AFF3: variants seen among roughly 807,000 people sequenced by gnomAD.
AFF3 encodes the protein AF4/FMR2 family member 3.
Under a neutral mutation model 129.7 loss-of-function variants are expected in AFF3, and 32 were observed. The observed-to-expected ratio is 0.25, with a 90% confidence interval of 0.19 to 0.33. AFF3 has a LOEUF of 0.33. AFF3 is among the 10% of genes least tolerant of loss of function. The probability of loss-of-function intolerance (pLI) is 1.00; values close to 1 mark genes in which losing one functional copy is unlikely to be tolerated. For synonymous variants in AFF3, 644 were observed against 635.4 expected (o/e 1.01, Z -0.20); for missense variants, 1,373 against 1,592.0 (o/e 0.86, Z 2.34).
chr2:99,568,042 G>A (rs914808093), intron 19 of AFF3, among the ~76,000 whole-genome samples: 4 of 152,140 alleles, frequency 2.6e-5, no homozygotes, highest in African/African-American at 9.7e-5. Flanking sequence ...TGGTCTTCAC[G>A]TAAATAAGTG....
At chr2:100,085,836 C>T (rs1666850559) in intron 4 of AFF3, among the ~76,000 whole-genome samples, 1 of 151,932 alleles carries the variant, frequency 6.6e-6, no homozygotes, top group South Asian at 2.1e-4. Flanking sequence ...GGCCACATTA[C>T]TTTTTCACTG....
At chr2:99,576,284 G>A (rs1043578550) in intron 18 of AFF3, among the ~76,000 whole-genome samples, 2 of 150,486 alleles carry the variant, frequency 1.3e-5, no homozygotes, top group Non-Finnish European at 2.9e-5. Flanking sequence ...ACCTGCCCCA[G>A]TCTCCCAAAG....
At chr2:99,729,917 A>T (rs1679676044) in intron 10 of AFF3, among the ~76,000 whole-genome samples, 1 of 152,136 alleles carries the variant, frequency 6.6e-6, no homozygotes, top group Non-Finnish European at 1.5e-5. Context: ...AGCTGGGTGC[A>T]GGGAAGCCAT....
rs570012798 is a variant in AFF3, at chr2:99,724,563, G to A, written c.1091+2514C>T. On this transcript the variant is annotated intron_variant, in intron 11 of 24. Transcript: ENST00000672756. ...GCTGGGATTACAAGTGTGAGACACC[G>A]CACCTGGCCTGGAGTGACCTTTCTG... is the stretch of plus-strand genomic sequence containing the variant. 6.6e-5 allele frequency among the ~76,000 whole-genome samples: 10 copies of A among 152,092 alleles called. No individual in the cohort carries two copies. In the South Asian group the frequency reaches 1.2e-3, roughly 19 times the overall value.
At chr2:99,586,594 G>A (rs1295670558) in intron 16 of AFF3, among the ~76,000 whole-genome samples, 2 of 152,102 alleles carry the variant, frequency 1.3e-5, no homozygotes, top group Non-Finnish European at 2.9e-5. Flanking sequence ...ATAAATACCT[G>A]GGATCTTGCT....
At chr2:99,654,700 T>C (rs1685588798) in intron 12 of AFF3, among the ~76,000 whole-genome samples, 1 of 152,238 alleles carries the variant, frequency 6.6e-6, no homozygotes, top group Non-Finnish European at 1.5e-5. Context: ...TGATCCTTCC[T>C]GAGTTCATTA....
At chr2:99,849,240 G>A (rs1689961761) in intron 7 of AFF3, among the ~76,000 whole-genome samples, 1 of 152,096 alleles carries the variant, frequency 6.6e-6, no homozygotes, top group Admixed American at 6.5e-5. Context: ...TTACATGGCA[G>A]CCCCAGGGAA....
intron 4 of AFF3, among the ~76,000 whole-genome samples, chr2:100,060,629 A>G (rs1329351398): frequency 6.6e-6 from 1 of 152,176 alleles, no homozygotes; most frequent in Non-Finnish European, 1.5e-5. Context: ...AGAATTTTAA[A>G]TAGTTTTACA....
rs369313200 is a variant in AFF3 at position 99,593,468 on chromosome 2, G to A, written c.2193C>T (p.Thr731=). ...CCTCCAGCTCCTTGGCGATGTCACTGGTGGTCCTGGCGTTGATGGAGCCTA... is the reference window on the plus strand; with the variant it reads ...CCTCCAGCTCCTTGGCGATGTCACTAGTGGTCCTGGCGTTGATGGAGCCTA... ...APVGSINART[T]SDIAKELEEQ... The change falls in exon 15 of 25, where the codon ACC becomes ACT. Residue 731 remains threonine (T), a synonymous_variant. Transcript: ENST00000672756. 6 of 1,613,982 alleles carry A rather than the reference G, an allele frequency of 3.7e-6. No individual in the cohort carries two copies. In the East Asian group the frequency reaches 6.7e-5, roughly 18 times the overall value.
intron 8 of AFF3, among the ~76,000 whole-genome samples, chr2:99,821,465 G>A (rs1024725295): frequency 1.6e-5 from 2 of 128,322 alleles, no homozygotes; most frequent in African/African-American, 5.3e-5. Context: ...AATAGCTGAT[G>A]AGCTAAAAAA....
chr2:100,130,603 C>T (rs1324702786), intron 1 of AFF3, among the ~76,000 whole-genome samples: 1 of 152,224 alleles, frequency 6.6e-6, no homozygotes, highest in African/African-American at 2.4e-5. Context: ...GTAATAAAAG[C>T]CCCTGGGCAC....
chr2:99,679,509 C>A (rs377501618), intron 11 of AFF3, among the ~76,000 whole-genome samples: 12 of 152,270 alleles, frequency 7.9e-5, no homozygotes, highest in African/African-American at 2.9e-4. Flanking sequence ...GGGAAACCTG[C>A]CAAATCCTGG....
chr2:100,097,826 GA>G (rs1362533252), intron 4 of AFF3, among the ~76,000 whole-genome samples: 1 of 139,458 alleles, frequency 7.2e-6, no homozygotes, highest in Non-Finnish European at 1.5e-5. Context: ...CCGTAAGTAA[GA>G]GCATATTTGT....
At chr2:99,905,215 G>T (rs1235823024) in intron 7 of AFF3, among the ~76,000 whole-genome samples, 1 of 152,226 alleles carries the variant, frequency 6.6e-6, no homozygotes, top group Non-Finnish European at 1.5e-5. Flanking sequence ...GGAACTTGCT[G>T]CTCTTGCCCT....
intron 8 of AFF3, among the ~76,000 whole-genome samples, chr2:99,791,896 C>T (rs1240682173): frequency 6.6e-6 from 1 of 151,008 alleles, no homozygotes; most frequent in African/African-American, 2.4e-5. Flanking sequence ...GTCTAGTGAT[C>T]CCAAGTGCAA....
intron 12 of AFF3, among the ~76,000 whole-genome samples, chr2:99,659,433 T>C (rs1686034609): frequency 6.6e-6 from 1 of 152,144 alleles, no homozygotes; most frequent in African/African-American, 2.4e-5. Context: ...TTCTGGTTCT[T>C]AGGAATGGAA....
At chr2:99,817,189 G>C (rs1158188571) in intron 8 of AFF3, among the ~76,000 whole-genome samples, 1 of 152,176 alleles carries the variant, frequency 6.6e-6, no homozygotes, top group African/African-American at 2.4e-5. Context: ...GATTCTCCCA[G>C]GTCTTCCCTT....
At chr2:99,773,475 C>T (rs139678652) in intron 8 of AFF3, among the ~76,000 whole-genome samples, 331 of 147,874 alleles carry the variant, frequency 2.2e-3, no homozygotes, top group African/African-American at 8.1e-3. Context: ...AGTGCTCAAA[C>T]GTTTTGGGAA....
intron 7 of AFF3, among the ~76,000 whole-genome samples, chr2:99,862,190 T>C (rs1248381740): frequency 6.6e-6 from 1 of 151,966 alleles, no homozygotes; most frequent in Non-Finnish European, 1.5e-5. Flanking sequence ...ATACTTCCTA[T>C]TTTTTTTCCT....
Sources: allele counts gnomAD v4.1 joint callset (sites outside exome capture counted in the v4.1 genomes callset), GRCh38; gene constraint gnomAD v4.1.1; transcripts MANE v1.5; gene names NCBI Gene and HGNC (gene_info 2026-07-23, HGNC 2026-07-21).